AK9: variants seen among roughly 807,000 people sequenced by gnomAD.
AK9 encodes the protein adenylate kinase 9.
AK9 carries 191 observed loss-of-function variants against 239.6 expected under a neutral mutation model. That is an observed-to-expected ratio of 0.80 (90% CI 0.71 to 0.90). The LOEUF is 0.90. Ranked by LOEUF, AK9 falls within the 40% of genes least tolerant of loss-of-function variation. AK9 has a pLI of 0.00. For missense variants in AK9, 1,995 were observed against 2,214.7 expected, an observed-to-expected ratio of 0.90 and a Z score of 1.99; for synonymous variants, 689 against 721.0, an observed-to-expected ratio of 0.96 and a Z score of 0.71.
At chr6:109,669,659 CT>C (rs1042526144) in intron 5 of AK9, among the ~76,000 whole-genome samples, 2 of 152,074 alleles carry the variant, frequency 1.3e-5, no homozygotes, top group Non-Finnish European at 2.9e-5. Context: ...GTTTATATCC[CT>C]GTTTTGAAAA....
At chr6:109,589,195 C>T (rs917056672) in intron 17 of AK9, among the ~76,000 whole-genome samples, 1 of 152,052 alleles carries the variant, frequency 6.6e-6, no homozygotes, top group African/African-American at 2.4e-5. Context: ...AATATTTATT[C>T]TTCTGATCCA....
At chr6:109,581,945 A>C (rs1051109622) in intron 19 of AK9, among the ~76,000 whole-genome samples, 11 of 152,148 alleles carry the variant, frequency 7.2e-5, no homozygotes, top group Admixed American at 6.6e-4. Context: ...CCCAGTCCAA[A>C]AATCCTAGGC....
chr6:109,660,433 G>A (rs1360797528), intron 6 of AK9, among the ~76,000 whole-genome samples: 2 of 152,120 alleles, frequency 1.3e-5, no homozygotes, highest in Non-Finnish European at 1.5e-5. Flanking sequence ...GGCAGTTCAT[G>A]TACCACACAT....
intron 17 of AK9, among the ~76,000 whole-genome samples, chr6:109,603,390 A>G (rs1792343110): frequency 6.6e-6 from 1 of 152,190 alleles, no homozygotes; most frequent in South Asian, 2.1e-4. Context: ...TACAGCGAAT[A>G]TTGCTGAACG....
chr6:109,677,023 C>T (rs118136529), intron 1 of AK9, among the ~76,000 whole-genome samples: 16 of 152,144 alleles, frequency 1.1e-4, no homozygotes, highest in Middle Eastern at 3.4e-3. Flanking sequence ...CTCACTTATA[C>T]GTGGGAACTA....
intron 32 of AK9, among the ~76,000 whole-genome samples, chr6:109,510,649 T>A (rs1334553046): frequency 6.6e-6 from 1 of 152,128 alleles, no homozygotes; most frequent in Non-Finnish European, 1.5e-5. Flanking sequence ...TCACCCACTG[T>A]GGGTCTCCTC....
chr6:109,545,831 A>C (rs1391686387), intron 26 of AK9, 36 bp downstream of exon 26: 1 of 1,567,014 alleles, frequency 6.4e-7, no homozygotes, highest in Non-Finnish European at 8.6e-7. Flanking sequence ...AACAGCAAAA[A>C]CAAAACAAAC....
At chr6:109,687,626 T>C (rs1419376388) in intron 1 of AK9, among the ~76,000 whole-genome samples, 1 of 152,166 alleles carries the variant, frequency 6.6e-6, no homozygotes, top group African/African-American at 2.4e-5. Context: ...AAAACGATGA[T>C]GCTTGCCAAC....
chr6:109,600,583 C>T (rs1791796790), intron 17 of AK9, among the ~76,000 whole-genome samples: 2 of 152,172 alleles, frequency 1.3e-5, no homozygotes, highest in Non-Finnish European at 2.9e-5. Flanking sequence ...CAGGATGATG[C>T]TGGCCTCATA....
At chr6:109,503,735 C>T (rs116273384) in intron 35 of AK9, among the ~76,000 whole-genome samples, 3,856 of 152,220 alleles carry the variant, frequency 0.025, 92 homozygotes, top group East Asian at 0.11. Flanking sequence ...GCTGACATAC[C>T]CACCCTGCAG....
In AK9 at chr6:109,506,417, G is replaced by A. The variant is rs765203207; in HGVS notation, c.4759C>T (p.His1587Tyr). The change falls in exon 35 of 41, where the codon CAC (histidine) becomes TAC (tyrosine). Residue 1587 changes from histidine to tyrosine, a missense_variant. This residue lies in a region of AK9 where 391 missense variants were observed against 456.0 expected (regional missense o/e 0.86). Transcript: ENST00000424296. ...TCATTCCATACCCACCATTTGCTGT[G>A]AAATCCATCAATCACATACCAGTTC... ...HQNWYVIDGF[H>Y]SKWWVWNEVI... 6.2e-7 allele frequency: 1 copy of A among 1,613,730 alleles called. No homozygotes were observed.
chr6:109,659,304 C>T lies in AK9; in HGVS notation c.554G>A (p.Arg185Lys), dbSNP rs1288927383. The change falls in exon 7 of 41, where the codon AGG becomes AAG. Residue 185 changes from arginine to lysine, a missense_variant. Arg to Lys is a conservative substitution (Grantham distance 26). This residue lies in a region of AK9 where 252 missense variants were observed against 246.4 expected (regional missense o/e 1.02). Coordinates refer to ENST00000424296, the MANE Select transcript of AK9 (RefSeq NM_001145128.3). ...CTTTTGGGCTTCTTTCTTCTTTTTC[C>T]TATGATTCTCAATGACTTCAGGATC... ...QWDPEVIENHRKKKKEAQKDG... is the reference protein window; with the variant it reads ...QWDPEVIENHKKKKKEAQKDG... 9 of 1,604,718 alleles carry T rather than the reference C, an allele frequency of 5.6e-6. No homozygotes were observed. The highest frequency in any genetic ancestry group is 2.7e-5 in the African/African-American group (2 of 74,130).
At position 109,598,031 on chromosome 6, in the gene AK9, C is replaced by T. The variant is rs79850573; in HGVS notation, c.1843-11959G>A. 2.9e-3 allele frequency among the ~76,000 whole-genome samples: 442 copies of T among 152,012 alleles called. 1 individual carries two copies. Among genetic ancestry groups the T allele is most frequent in the African/African-American group, 0.01 (424 of 41,476 alleles). ...GTTATATTTATTATAAATACTTTCCCCAGCTTGTCCTTTGTCTTAAATTTT... is the reference window on the plus strand; with the variant it reads ...GTTATATTTATTATAAATACTTTCCTCAGCTTGTCCTTTGTCTTAAATTTT... On this transcript the variant is annotated intron_variant, in intron 17 of 40. Transcript: ENST00000424296.
intron 19 of AK9, 25 bp downstream of exon 19, chr6:109,585,097 GT>G: frequency 1.8e-6 from 2 of 1,087,510 alleles, no homozygotes; most frequent in South Asian, 2.9e-5. Context: ...ACATTAATCT[GT>G]TTTATCATTC....
chr6:109,614,088 TG>T, intron 15 of AK9, 94 bp downstream of exon 15: 1 of 1,245,758 alleles, frequency 8.0e-7, no homozygotes. Flanking sequence ...TTTCCAATTT[TG>T]GGGGTAATTT....
At chr6:109,596,786 T>A (rs975868266) in intron 17 of AK9, among the ~76,000 whole-genome samples, 1 of 152,232 alleles carries the variant, frequency 6.6e-6, no homozygotes, top group Non-Finnish European at 1.5e-5. Flanking sequence ...TTGCTATTAA[T>A]AGAGCTGCGA....
chr6:109,682,344 G>A (rs533308159), intron 1 of AK9, among the ~76,000 whole-genome samples: 16 of 150,656 alleles, frequency 1.1e-4, no homozygotes, highest in Non-Finnish European at 2.2e-4. Context: ...GGAGAATGGC[G>A]TGAACCCGGG....
At chr6:109,667,663 T>C (rs1261923918) in intron 5 of AK9, among the ~76,000 whole-genome samples, 3 of 152,176 alleles carry the variant, frequency 2.0e-5, no homozygotes, top group African/African-American at 7.2e-5. Context: ...TTTGGTTTTT[T>C]GTCCTTGCGA....
chr6:109,662,367 A>G (rs527887112), intron 6 of AK9, among the ~76,000 whole-genome samples, 184 bp downstream of exon 6: 33 of 152,312 alleles, frequency 2.2e-4, no homozygotes, highest in African/African-American at 7.9e-4. Flanking sequence ...GCAAGAAGGT[A>G]TCTCATGTGG....
Sources: allele counts gnomAD v4.1 joint callset (sites outside exome capture counted in the v4.1 genomes callset), GRCh38; gene constraint gnomAD v4.1.1; regional missense constraint gnomAD v4.1.1; transcripts MANE v1.5; gene names NCBI Gene and HGNC (gene_info 2026-07-23, HGNC 2026-07-21).